RPH3A: variants seen among roughly 807,000 people sequenced by gnomAD.
The protein encoded by RPH3A is rabphilin-3A.
Under a neutral mutation model 102.2 loss-of-function variants are expected in RPH3A, and 48 were observed. That is an observed-to-expected ratio of 0.47 (90% confidence interval 0.37 to 0.60). RPH3A has a LOEUF of 0.60. Ranked by LOEUF, RPH3A falls within the 20% of genes least tolerant of loss-of-function variation. The pLI is 0.00. For synonymous variants in RPH3A, 310 were observed against 324.3 expected, an observed-to-expected ratio of 0.96 and a Z score of 0.47; for missense variants, 781 against 910.1, an observed-to-expected ratio of 0.86 and a Z score of 1.83.
chr12:112,651,013 G>A (rs568408104), intron 1 of RPH3A: 1 of 151,782 alleles, frequency 6.6e-6, no homozygotes, highest in Non-Finnish European at 1.5e-5. Flanking sequence ...TTACAGACAT[G>A]AGCCATAGCT....
intron 1 of RPH3A, among the ~76,000 whole-genome samples, chr12:112,730,020 T>TAAAC (rs1555205159): frequency 6.6e-6 from 1 of 150,564 alleles, no homozygotes; most frequent in East Asian, 2.0e-4. Context: ...CACACACACA[T>TAAAC]ACACACACAC....
chr12:112,807,366 G>A (rs954105042), intron 2 of RPH3A, among the ~76,000 whole-genome samples: 1 of 152,110 alleles, frequency 6.6e-6, no homozygotes, highest in Non-Finnish European at 1.5e-5. Flanking sequence ...AGGACAGTAG[G>A]ACCCCTCTCT....
intron 19 of RPH3A, chr12:112,894,223 A>C (rs1565949068): frequency 1.1e-5 from 3 of 276,682 alleles, no homozygotes; most frequent in Non-Finnish European, 2.0e-5. Context: ...AATTTGACTT[A>C]TGGGGAGAAA....
At chr12:112,701,565 G>A (rs555481243) in intron 1 of RPH3A, among the ~76,000 whole-genome samples, 119 of 152,284 alleles carry the variant, frequency 7.8e-4, no homozygotes, top group African/African-American at 2.5e-3. Context: ...TGTCCCTGGA[G>A]GTATTTCAGC....
chr12:112,864,114 T>C (rs2042567629), intron 5 of RPH3A, among the ~76,000 whole-genome samples: 1 of 152,162 alleles, frequency 6.6e-6, no homozygotes, highest in Non-Finnish European at 1.5e-5. Flanking sequence ...TGAATAAAAT[T>C]GGTAGTCAGA....
intron 19 of RPH3A, chr12:112,894,148 G>C (rs1765295236): frequency 5.0e-6 from 1 of 198,662 alleles, no homozygotes; most frequent in African/African-American, 2.4e-5. Context: ...CCTCTCTCTA[G>C]GGATTGGGGG....
intron 1 of RPH3A, among the ~76,000 whole-genome samples, chr12:112,739,235 T>C (rs1178478783): frequency 1.3e-5 from 2 of 152,234 alleles, no homozygotes; most frequent in African/African-American, 4.8e-5. Context: ...GTAGGTTACA[T>C]AATGTTGTTG....
At chr12:112,665,344 A>G (rs956152714) in intron 1 of RPH3A, among the ~76,000 whole-genome samples, 1 of 152,180 alleles carries the variant, frequency 6.6e-6, no homozygotes, top group African/African-American at 2.4e-5. Flanking sequence ...CTTAGAAACA[A>G]TCCAACCCTA....
At chr12:112,841,909 C>A (rs980885715) in intron 4 of RPH3A, 1 of 455,502 alleles carries the variant, frequency 2.2e-6, no homozygotes, top group African/African-American at 2.0e-5. Flanking sequence ...TCTCTCTGTC[C>A]GTCTGTCTCT....
intron 2 of RPH3A, among the ~76,000 whole-genome samples, chr12:112,807,565 G>T (rs78138245): frequency 1.3e-5 from 2 of 152,286 alleles, no homozygotes; most frequent in East Asian, 3.9e-4. Flanking sequence ...CTTCATGTGG[G>T]AAATGAAGAT....
intron 1 of RPH3A, among the ~76,000 whole-genome samples, chr12:112,752,020 C>A (rs753082816): frequency 2.6e-5 from 4 of 152,058 alleles, no homozygotes; most frequent in Non-Finnish European, 4.4e-5. Context: ...AGGGTGTGTA[C>A]CCCAGTGTTA....
intron 1 of RPH3A, among the ~76,000 whole-genome samples, chr12:112,656,192 A>G (rs949530014): frequency 6.6e-6 from 1 of 152,208 alleles, no homozygotes; most frequent in African/African-American, 2.4e-5. Context: ...CCTGCTTTAC[A>G]GCAAACTTTT....
chr12:112,747,376 A>G (rs976042462), intron 1 of RPH3A, among the ~76,000 whole-genome samples: 3 of 152,192 alleles, frequency 2.0e-5, no homozygotes, highest in African/African-American at 4.8e-5. Context: ...GGTCCTCATC[A>G]GACATCAAAT....
rs181704314 is a variant in RPH3A, at chr12:112,796,579, T to A, written c.-19+4316T>A. 2.8e-3 allele frequency among the ~76,000 whole-genome samples: 426 copies of A among 152,374 alleles called. 2 individuals are homozygous for A. Among genetic ancestry groups the A allele is most frequent in the African/African-American group, 9.1e-3 (378 of 41,592 alleles). ...GGTGCTCAGTTAGTATTGATTATGA[T>A]GAGTCAGTCGTTGGTGAAAGGTTTG... On this transcript the variant is annotated intron_variant, in intron 2 of 21. Coordinates refer to ENST00000389385, the MANE Select transcript of RPH3A (RefSeq NM_001143854.2).
rs185611906 is a variant in RPH3A at position 112,725,289 on chromosome 12, A to G, written c.-139-66854A>G. Among the ~76,000 whole-genome samples, 285 of 149,390 alleles carry G rather than the reference A, an allele frequency of 1.9e-3. 5 individuals are homozygous for G. The highest frequency in any genetic ancestry group is 6.9e-3 in the African/African-American group (281 of 40,638). On this transcript the variant is annotated intron_variant, in intron 1 of 21. Coordinates refer to the RPH3A transcript ENST00000543106. Reference sequence around the variant, plus strand: ...AAAAAAAAAAAAAAAACACGTTTTAATGAATAAATGCATCTTCTGCTTTTG... The same window carrying G: ...AAAAAAAAAAAAAAAACACGTTTTAGTGAATAAATGCATCTTCTGCTTTTG...
At chr12:112,636,445 A>T (rs2039849359) in intron 1 of RPH3A, among the ~76,000 whole-genome samples, 1 of 152,236 alleles carries the variant, frequency 6.6e-6, no homozygotes, top group Non-Finnish European at 1.5e-5. Context: ...TTACCCTCCT[A>T]GTAAACATTT....
rs2042862013 is a variant in RPH3A at position 112,879,182 on chromosome 12, C to T, written c.1235C>T (p.Thr412Ile). 1 of 1,613,848 alleles carries T rather than the reference C, an allele frequency of 6.2e-7. No homozygotes were observed. Among genetic ancestry groups the T allele is most frequent in the South Asian group, 1.1e-5 (1 of 91,042 alleles). ...CAGGACAACAGCTCCCTGCAGTGCA[C>T]CATCATTAAGGCCAAGGTGGGTGAT... ...YDQDNSSLQC[T>I]IIKAKGLKPM... Residue 412 changes from threonine (T) to isoleucine (I), a missense_variant, in exon 14 of 22, where the codon ACC (threonine) becomes ATC (isoleucine). By Grantham distance (89) the Thr-to-Ile change is moderately conservative (BLOSUM62 -1). Transcript: ENST00000389385.
chr12:112,607,963 T>C (rs2039610147), intron 1 of RPH3A, among the ~76,000 whole-genome samples: 1 of 152,194 alleles, frequency 6.6e-6, no homozygotes, highest in South Asian at 2.1e-4. Context: ...ACAGACTCCT[T>C]AGCCTAGTAC....
intron 1 of RPH3A, among the ~76,000 whole-genome samples, chr12:112,750,451 C>T (rs2040779119): frequency 6.6e-6 from 1 of 152,142 alleles, no homozygotes. Context: ...AGAACATGCA[C>T]CTCAGTTGTT....
Sources: gnomAD v4.1 joint callset for allele counts (sites outside exome capture counted in the v4.1 genomes callset) on GRCh38, gnomAD v4.1.1 for gene constraint, MANE v1.5 for transcripts, NCBI Gene and HGNC (gene_info 2026-07-23, HGNC 2026-07-21) for gene names.